RASSF5: variants seen among roughly 807,000 people sequenced by gnomAD.
RASSF5 encodes the protein Ras association domain family member 5.
RASSF5 carries 25 observed loss-of-function variants against 40.5 expected under a neutral mutation model. The ratio of observed to expected loss-of-function variants is 0.62; its 90% CI spans 0.45 to 0.86. The LOEUF is 0.86. RASSF5 is among the 40% of genes least tolerant of loss of function. The probability of loss-of-function intolerance (pLI) is 0.00; values close to 1 mark genes in which losing one functional copy is unlikely to be tolerated. For missense variants in RASSF5, 521 were observed against 572.8 expected (o/e 0.91, Z 0.92); for synonymous variants, 246 against 252.4 (o/e 0.97, Z 0.24).
chr1:206,537,316 G>A (rs1269484186), intron 1 of RASSF5, among the ~76,000 whole-genome samples: 2 of 152,146 alleles, frequency 1.3e-5, no homozygotes, highest in African/African-American at 4.8e-5. Context: ...CTGAATCCCC[G>A]GATCTGGGAT....
chr1:206,527,966 A>G (rs574642525), intron 1 of RASSF5, among the ~76,000 whole-genome samples: 2 of 152,306 alleles, frequency 1.3e-5, no homozygotes, highest in East Asian at 1.9e-4. Context: ...TCAAGTCTCA[A>G]TTTCCCTATC....
At chr1:206,555,840 G>A (rs782793682) in intron 2 of RASSF5, among the ~76,000 whole-genome samples, 6 of 152,220 alleles carry the variant, frequency 3.9e-5, no homozygotes, top group South Asian at 2.1e-4. Context: ...AAACCTTCCC[G>A]AGCACTGACG....
At chr1:206,521,056 T>C (rs782118000) in intron 1 of RASSF5, among the ~76,000 whole-genome samples, 2 of 152,318 alleles carry the variant, frequency 1.3e-5, no homozygotes, top group East Asian at 3.9e-4. Flanking sequence ...ATTCCTATCA[T>C]TGAGTTTACC....
Position 206,587,260 on chromosome 1 carries a change from C to G in RASSF5, c.*282C>G, listed in dbSNP as rs1349259744. On this transcript the variant is annotated 3_prime_UTR_variant, in exon 6 of 6. Transcript: ENST00000579436. ...CTCGATCTGCAAGCCTTTCACCAAC[C>G]AAATAGTTGCCTCTCTCGTCACCAA... 5.0e-6 allele frequency: 2 copies of G among 400,222 alleles called. No homozygotes were observed. Among genetic ancestry groups the G allele is most frequent in the South Asian group, 2.2e-5 (1 of 45,564 alleles). The allele number at this position is 400,222 out of a possible 1,614,324, so 24.8% of individuals were successfully genotyped here. A position where few individuals can be genotyped will look rare whatever the true frequency, so the allele number is the denominator to read the frequency against.
Position 206,546,089 on chromosome 1 carries a change from A to ATTTTTTTTTTTTTTTTTTTTTTTTT in RASSF5, c.579+7809_579+7833dup, listed in dbSNP as rs10603701. On this transcript the variant is annotated intron_variant, in intron 2 of 5. Transcript: ENST00000579436. ...TTTTTCTTTTCTTTCTTCTTTTTCTATTTTTTTTTTTTTTTTTTTTTTTTT... is the reference window on the plus strand; with the variant it reads ...TTTTTCTTTTCTTTCTTCTTTTTCTATTTTTTTTTTTTTTTTTTTTTTTTTTTTTTTTTTTTTTTTTTTTTTTTTT... Among the ~76,000 whole-genome samples, 2 of 48,246 alleles carry ATTTTTTTTTTTTTTTTTTTTTTTTT rather than the reference A, an allele frequency of 4.1e-5. 1 individual carries two copies. The highest frequency in any genetic ancestry group is 7.4e-5 in the Non-Finnish European group (2 of 26,948). 31.7% of individuals were successfully genotyped at this position (48,246 alleles called of 152,430 possible). A position where few individuals can be genotyped will look rare whatever the true frequency, so the allele number is the denominator to read the frequency against.
chr1:206,518,525 C>T (rs1478780128), intron 1 of RASSF5: 13 of 398,410 alleles, frequency 3.3e-5, no homozygotes, highest in East Asian at 7.1e-5. Flanking sequence ...GGTTCCGCAA[C>T]GGGGCCCGGA....
rs1666497100 is a variant in RASSF5 at position 206,507,801 on chromosome 1, C to T, written c.199C>T (p.Arg67Trp). The change falls in exon 1 of 6, where the codon CGG (arginine) becomes TGG (tryptophan). Residue 67 changes from arginine to tryptophan, a missense_variant. Around this residue, in one of 2 missense-constraint regions of RASSF5, gnomAD observed 237 missense variants for 212.0 expected, o/e 1.12. Transcript: ENST00000579436. ...REGRSARRAA[R>W]GNLEPPPRAS... is the part of the protein sequence containing the mutation. ...GGGGCGCAGCGCCCGGAGGGCTGCC[C>T]GGGGGAACCTGGAGCCCCCGCCCCG... 4.3e-6 allele frequency: 6 copies of T among 1,397,256 alleles called. No individual in the cohort carries two copies. Among genetic ancestry groups the T allele is most frequent in the Non-Finnish European group, 5.5e-6 (6 of 1,085,200 alleles). The allele number at this position is 1,397,256 out of a possible 1,614,324, so 86.6% of individuals were successfully genotyped here.
chr1:206,526,524 G>C (rs1419329375), intron 1 of RASSF5, among the ~76,000 whole-genome samples: 2 of 152,154 alleles, frequency 1.3e-5, no homozygotes, highest in African/African-American at 4.8e-5. Flanking sequence ...CCATTCCCTT[G>C]CTGCCAGCCT....
intron 2 of RASSF5, among the ~76,000 whole-genome samples, chr1:206,575,705 G>A (rs1553405082): frequency 6.6e-6 from 1 of 152,146 alleles, no homozygotes; most frequent in Non-Finnish European, 1.5e-5. Flanking sequence ...TCCTGCGAAG[G>A]GGCCCTTAGA....
chr1:206,544,894 GA>G (rs797031528), intron 2 of RASSF5: 207 of 139,950 alleles, frequency 1.5e-3, no homozygotes, highest in African/African-American at 3.7e-3. Context: ...AGACCCTTGA[GA>G]AAAAAAAAAA....
Position 206,538,313 on chromosome 1 carries a change from T to C in RASSF5, c.579+20T>C, listed in dbSNP as rs201846829. On this transcript the variant is annotated intron_variant, in intron 2 of 5. Transcript: ENST00000579436. ...AGCCAGGTAGGTGCCAAAGCTCTCG[T>C]ACCAAGCTGGGAACAGCCTCTGCAG... The C allele has an allele frequency of 1.9e-5, 31 of 1,612,496 alleles. No individual in the cohort carries two copies. Among genetic ancestry groups the C allele is most frequent in the Non-Finnish European group, 2.5e-5 (29 of 1,179,572 alleles).
At chr1:206,565,496 T>G (rs1330116917) in intron 2 of RASSF5, among the ~76,000 whole-genome samples, 1 of 152,208 alleles carries the variant, frequency 6.6e-6, no homozygotes, top group Non-Finnish European at 1.5e-5. Context: ...AACTTTCCTA[T>G]AGCACTGAGC....
At chr1:206,562,703 C>A (rs547897361) in intron 2 of RASSF5, among the ~76,000 whole-genome samples, 1 of 152,118 alleles carries the variant, frequency 6.6e-6, no homozygotes, top group African/African-American at 2.4e-5. Context: ...GAGGCCGAGA[C>A]GGGCGGATCA....
At position 206,588,393 on chromosome 1, in the gene RASSF5, C is replaced by G. The variant is rs1558527199; in HGVS notation, c.*1415C>G. ...CACTGGCTTCTTGTTTAGGCTGAAT[C>G]CTAAAATAAATTAGTCAAAAAATTC... On this transcript the variant is annotated 3_prime_UTR_variant, in exon 6 of 6. Transcript: ENST00000579436. The G allele has an allele frequency of 1.3e-5, 2 of 152,310 alleles. No individual in the cohort carries two copies. The highest frequency in any genetic ancestry group is 3.8e-4 in the East Asian group (2 of 5,324). The allele number at this position is 152,310 out of a possible 1,614,324, so 9.4% of individuals were successfully genotyped here.
intron 2 of RASSF5, among the ~76,000 whole-genome samples, chr1:206,577,254 A>C: frequency 6.6e-6 from 1 of 152,192 alleles, no homozygotes; most frequent in East Asian, 1.9e-4. Flanking sequence ...AAAGTTTGCC[A>C]ACCACTGGTG....
Position 206,556,810 on chromosome 1 carries a change from C to T in RASSF5, c.579+18517C>T, listed in dbSNP as rs539642216. ...ACCATTCCGATTGACCCGGCTCCCC[C>T]ACCCAGCGAATGGGGGAGGGAGGGG... On this transcript the variant is annotated intron_variant, in intron 2 of 5. Transcript: ENST00000579436. Among the ~76,000 whole-genome samples the T allele has an allele frequency of 3.0e-3, 458 of 152,234 alleles. 3 individuals carry two copies. The highest frequency in any genetic ancestry group is 0.01 in the African/African-American group (432 of 41,534).
chr1:206,547,858 T>C (rs547728699), intron 2 of RASSF5, among the ~76,000 whole-genome samples: 53 of 149,812 alleles, frequency 3.5e-4, no homozygotes, highest in African/African-American at 1.4e-3. Context: ...TTTCTGGTAC[T>C]TTTTTTTCTT....
chr1:206,512,001 T>C (rs997527844), intron 1 of RASSF5, among the ~76,000 whole-genome samples: 3 of 152,206 alleles, frequency 2.0e-5, no homozygotes, highest in African/African-American at 7.2e-5. Flanking sequence ...TTCTGGCGGC[T>C]TCTGTATTTA....
At chr1:206,551,803 G>A (rs980795592) in intron 2 of RASSF5, among the ~76,000 whole-genome samples, 2 of 152,236 alleles carry the variant, frequency 1.3e-5, no homozygotes, top group Admixed American at 6.5e-5. Flanking sequence ...GCCCTGAGGC[G>A]AGAGGCAAGA....
Sources: allele counts gnomAD v4.1 joint callset (sites outside exome capture counted in the v4.1 genomes callset), GRCh38; gene constraint gnomAD v4.1.1; regional missense constraint gnomAD v4.1.1; transcripts MANE v1.5; gene names NCBI Gene and HGNC (gene_info 2026-07-23, HGNC 2026-07-21).